Variants in FST observed in about 807,000 individuals in gnomAD.
FST encodes the protein follistatin, also known as activin-binding protein.
FST carries 6 observed loss-of-function variants against 38.4 expected under a neutral mutation model. The ratio of observed to expected loss-of-function variants is 0.16; its 90% confidence interval spans 0.09 to 0.31. FST has a LOEUF of 0.31. Ranked by LOEUF, FST falls within the 10% of genes least tolerant of loss-of-function variation. The pLI is 1.00. For synonymous variants in FST, 157 were observed against 169.8 expected, an observed-to-expected ratio of 0.92 and a Z score of 0.59; for missense variants, 301 against 432.3, an observed-to-expected ratio of 0.70 and a Z score of 2.69.
At position 53,483,358 on chromosome 5, in the gene FST, C is replaced by G; in HGVS notation, c.278-146C>G. The G allele has an allele frequency of 1.5e-6, 1 of 654,792 alleles. No individual in the cohort carries two copies. The highest frequency in any genetic ancestry group is 2.7e-6 in the Non-Finnish European group (1 of 368,628). 40.6% of individuals were successfully genotyped at this position (654,792 alleles called of 1,614,324 possible). On this transcript the variant is annotated intron_variant, in intron 2 of 5. Transcript: ENST00000256759. The surrounding 1 kb of genome is among the most constrained non-coding windows in gnomAD (Gnocchi z 4.1). ...CAGCCCAAGGTCCACACTCTTTCAC[C>G]AACTCCCAATATTCCAGGAGAGAGC... is the stretch of plus-strand genomic sequence containing the variant.
chr5:53,482,614 C>A (rs1007608819), intron 1 of FST: 5 of 464,562 alleles, frequency 1.1e-5, no homozygotes, highest in Middle Eastern at 5.3e-4. Flanking sequence ...GCTGGGGCGC[C>A]CTGTCTTCTC....
intron 1 of FST, 100 bp from the exon 2 acceptor site, chr5:53,482,780 C>T (rs1199992999): frequency 4.6e-6 from 3 of 656,846 alleles, no homozygotes; most frequent in Non-Finnish European, 8.1e-6. Context: ...TCACCCCCTC[C>T]CCATCCCCGC....
In FST at chr5:53,486,047, G is replaced by A; in HGVS notation, c.*14G>A. The A allele has an allele frequency of 1.7e-6, 1 of 584,636 alleles. No homozygotes were observed. 36.2% of individuals were successfully genotyped at this position (584,636 alleles called of 1,614,324 possible). A position where few individuals can be genotyped will look rare whatever the true frequency, so the allele number is the denominator to read the frequency against. Reference sequence around the variant, plus strand: ...CTAGAGTGGTAAACTCTCTATAAGTGTTCAGTGTTGACATAGCCTTTGTGC... The same window carrying A: ...CTAGAGTGGTAAACTCTCTATAAGTATTCAGTGTTGACATAGCCTTTGTGC... On this transcript the variant is annotated 3_prime_UTR_variant, in exon 6 of 6. Coordinates refer to ENST00000256759, the MANE Select transcript of FST (RefSeq NM_013409.3).
rs1747393201 is a variant in FST, at chr5:53,483,929, T to C, written c.497-140T>C. 1.4e-6 allele frequency: 1 copy of C among 736,108 alleles called. No homozygotes were observed. The highest frequency in any genetic ancestry group is 2.3e-6 in the Non-Finnish European group (1 of 443,530). The allele number at this position is 736,108 out of a possible 1,614,324, so 45.6% of individuals were successfully genotyped here. On this transcript the variant is annotated intron_variant, in intron 3 of 5. Transcript: ENST00000256759. This position sits in a 1 kb window ranked among gnomAD's most constrained non-coding sequence, Gnocchi z 4.1. Reference sequence around the variant, plus strand: ...AGGGGACCAACCTAGTCATAGATTCTCTCTTGAAAACTACAGGGCTCCCTA... The same window carrying C: ...AGGGGACCAACCTAGTCATAGATTCCCTCTTGAAAACTACAGGGCTCCCTA...
Position 53,484,162 on chromosome 5 carries a change from C to G in FST, c.590C>G (p.Pro197Arg), listed in dbSNP as rs959001036. The change falls in exon 4 of 6, where the codon CCA becomes CGA. Residue 197 changes from proline to arginine, a missense_variant. Transcript: ENST00000256759. ...TGTGTGACCTGTAATCGGATTTGCC[C>G]AGAGCCTGCTTCCTCTGAGCAATAT... is the stretch of plus-strand genomic sequence containing the variant. ...AYCVTCNRIC[P>R]EPASSEQYLC... is the part of the protein sequence containing the mutation. The G allele has an allele frequency of 5.0e-6, 8 of 1,612,488 alleles. No homozygotes were observed. The African/African-American group carries it at 1.1e-4, about 22-fold the overall frequency.
rs746714008 is a variant in FST at position 53,483,773 on chromosome 5, T to G, written c.496+51T>G. The G allele has an allele frequency of 2.2e-5, 30 of 1,383,882 alleles. No homozygotes were observed. The highest frequency in any genetic ancestry group is 3.6e-4 in the Middle Eastern group (2 of 5,570). 85.7% of individuals were successfully genotyped at this position (1,383,882 alleles called of 1,614,324 possible). On this transcript the variant is annotated intron_variant, in intron 3 of 5. Transcript: ENST00000256759. This position sits in a 1 kb window ranked among gnomAD's most constrained non-coding sequence, Gnocchi z 4.1. ...CTGGATCTGTCCCCTCCTCCAGCTT[T>G]GTACCTAAAGTAGACCCTCTAGAAG...
At chr5:53,482,664 G>T in intron 1 of FST, 1 of 480,934 alleles carries the variant, frequency 2.1e-6, no homozygotes, top group Non-Finnish European at 3.7e-6. Context: ...TCCCATCTCT[G>T]TGATCAGGGC....
chr5:53,487,130 G>A lies in FST; in HGVS notation c.*1097G>A, dbSNP rs1179099038. The A allele has an allele frequency of 6.6e-6, 1 of 152,110 alleles. No homozygotes were observed. Among genetic ancestry groups the A allele is most frequent in the East Asian group, 1.9e-4 (1 of 5,200 alleles). 9.4% of individuals were successfully genotyped at this position (152,110 alleles called of 1,614,324 possible). On this transcript the variant is annotated 3_prime_UTR_variant, in exon 6 of 6. Coordinates refer to ENST00000256759, the MANE Select transcript of FST (RefSeq NM_013409.3). ...TGAAAAAATAAAAAAATTTTAAAAA[G>A]CCAATGGTTTCAATTCCTGATGATG...
chr5:53,482,727 C>T (rs1033481023), intron 1 of FST, 153 bp from the exon 2 acceptor site: 10 of 540,054 alleles, frequency 1.9e-5, no homozygotes, highest in Admixed American at 3.4e-5. Flanking sequence ...CGATTTATTT[C>T]CTACTTTTCT....
chr5:53,485,693 GC>G, intron 5 of FST: 1 of 1,605,034 alleles, frequency 6.2e-7, no homozygotes, highest in Non-Finnish European at 8.5e-7. Flanking sequence ...TCAGGAATCT[GC>G]CCGTAAAACC....
chr5:53,482,010 T>A (rs1196558085), intron 1 of FST, among the ~76,000 whole-genome samples: 1 of 152,248 alleles, frequency 6.6e-6, no homozygotes, highest in African/African-American at 2.4e-5. Flanking sequence ...GGAGAGGCTC[T>A]GCCTGGTGCC....
chr5:53,485,568 G>A (rs1246750059), intron 5 of FST: 4 of 701,646 alleles, frequency 5.7e-6, no homozygotes, highest in South Asian at 4.9e-5. Flanking sequence ...TTTTTCCAAC[G>A]ACAGCTTCAT....
At chr5:53,485,695 C>T in intron 5 of FST, 3 of 1,606,202 alleles carry the variant, frequency 1.9e-6, no homozygotes, top group Non-Finnish European at 2.6e-6. Flanking sequence ...AGGAATCTGC[C>T]CGTAAAACCT....
rs1183476640 is a variant in FST, at chr5:53,487,096, AATG to A, written c.*1068_*1070del. The A allele has an allele frequency of 6.6e-6, 1 of 152,210 alleles. No individual in the cohort carries two copies. Among genetic ancestry groups the A allele is most frequent in the African/African-American group, 2.4e-5 (1 of 41,446 alleles). The allele number at this position is 152,210 out of a possible 1,614,324, so 9.4% of individuals were successfully genotyped here. A position where few individuals can be genotyped will look rare whatever the true frequency, so the allele number is the denominator to read the frequency against. Reference sequence around the variant, plus strand: ...AAGTTATAATGTGTATTTGTAAATAAATGATGAGTGAAAAAATAAAAAAATTTT... The same window carrying A: ...AAGTTATAATGTGTATTTGTAAATAAATGAGTGAAAAAATAAAAAAATTTT... On this transcript the variant is annotated 3_prime_UTR_variant, in exon 6 of 6. Transcript: ENST00000256759.
chr5:53,484,039 T>C, intron 3 of FST, 30 bp from the exon 4 acceptor site: 1 of 1,592,484 alleles, frequency 6.3e-7, no homozygotes, highest in Non-Finnish European at 8.6e-7. Context: ...AGAAGGTACC[T>C]ATTCATGTGT....
chr5:53,481,103 G>T (rs572575315), intron 1 of FST, among the ~76,000 whole-genome samples: 11 of 152,084 alleles, frequency 7.2e-5, no homozygotes, highest in Admixed American at 2.0e-4. Flanking sequence ...GAGCGAGCTG[G>T]GGTCTTAGTA....
Position 53,483,883 on chromosome 5 carries a change from A to T in FST, c.496+161A>T, listed in dbSNP as rs1245432646. Among the ~76,000 whole-genome samples the T allele has an allele frequency of 6.6e-6, 1 of 152,180 alleles. No individual in the cohort carries two copies. The highest frequency in any genetic ancestry group is 6.5e-5 in the Admixed American group (1 of 15,278). ...ATAAAGGAGTCCTTTTCTAACCTCT[A>T]GAGATTCATTAAGAACACTGAGGGG... is the stretch of plus-strand genomic sequence containing the variant. On this transcript the variant is annotated intron_variant, in intron 3 of 5. Transcript: ENST00000256759. The surrounding 1 kb of genome is among the most constrained non-coding windows in gnomAD (Gnocchi z 4.1).
In FST at chr5:53,484,966, G is replaced by T. The variant is rs1261908010; in HGVS notation, c.722-31G>T. 3 of 1,053,402 alleles carry T rather than the reference G, an allele frequency of 2.8e-6. No homozygotes were observed. The South Asian group carries it at 3.7e-5, about 13-fold the overall frequency. The allele number at this position is 1,053,402 out of a possible 1,614,324, so 65.3% of individuals were successfully genotyped here. ...AGAAAAGGGGGATATGGGGAAATCA[G>T]TTTACTCATCACAGATGTATTATAT... On this transcript the variant is annotated intron_variant, in intron 4 of 5. Transcript: ENST00000256759.
At chr5:53,481,485 A>AAAAAAAAAAAAC (rs1451000751) in intron 1 of FST, among the ~76,000 whole-genome samples, 2 of 143,764 alleles carry the variant, frequency 1.4e-5, no homozygotes, top group Non-Finnish European at 3.1e-5. Flanking sequence ...AAAAAAAAAA[A>AAAAAAAAAAAAC]AGCCAAATTA....
Sources: allele counts gnomAD v4.1 joint callset (sites outside exome capture counted in the v4.1 genomes callset), GRCh38; gene constraint gnomAD v4.1.1; non-coding constraint Gnocchi (gnomAD v3.1); transcripts MANE v1.5; gene names NCBI Gene and HGNC (gene_info 2026-07-23, HGNC 2026-07-21).